The following PPM1L variants were observed in gnomAD, a reference collection of about 807,000 sequenced individuals.
PPM1L encodes protein phosphatase 1L.
Under a neutral mutation model 31.4 loss-of-function variants are expected in PPM1L, and 13 were observed. The ratio of observed to expected loss-of-function variants is 0.41; its 90% CI spans 0.27 to 0.66. The LOEUF (loss-of-function observed/expected upper bound fraction) is 0.66. Ranked by LOEUF, PPM1L falls within the 30% of genes least tolerant of loss-of-function variation. The probability of loss-of-function intolerance (pLI) is 0.29; values close to 1 mark genes in which losing one functional copy is unlikely to be tolerated. For missense variants in PPM1L, 326 were observed against 453.7 expected, an observed-to-expected ratio of 0.72 and a Z score of 2.56; for synonymous variants, 184 against 175.4, an observed-to-expected ratio of 1.05 and a Z score of -0.39.
At chr3:160,840,450 C>T (rs190805209) in intron 1 of PPM1L, among the ~76,000 whole-genome samples, 14 of 152,160 alleles carry the variant, frequency 9.2e-5, no homozygotes, top group South Asian at 2.1e-4. Flanking sequence ...TATAGATATA[C>T]GAGCTGAAAT....
At chr3:161,033,737 C>A (rs979557347) in intron 2 of PPM1L, among the ~76,000 whole-genome samples, 2 of 152,126 alleles carry the variant, frequency 1.3e-5, no homozygotes, top group Non-Finnish European at 2.9e-5. Flanking sequence ...ACCATAAAAA[C>A]CCTAGAAGAA....
chr3:160,926,793 G>A (rs2108075937), intron 1 of PPM1L, among the ~76,000 whole-genome samples: 2 of 152,344 alleles, frequency 1.3e-5, no homozygotes, highest in South Asian at 4.1e-4. Context: ...ACCCAGAATA[G>A]TTAGTTGGTC....
intron 1 of PPM1L, among the ~76,000 whole-genome samples, chr3:160,929,404 A>T (rs962768048): frequency 6.6e-6 from 1 of 152,212 alleles, no homozygotes; most frequent in Non-Finnish European, 1.5e-5. Flanking sequence ...GACCTTTGAC[A>T]GTTAGAAACT....
intron 2 of PPM1L, among the ~76,000 whole-genome samples, chr3:160,973,334 T>C (rs1391405082): frequency 6.6e-6 from 1 of 152,206 alleles, no homozygotes; most frequent in Non-Finnish European, 1.5e-5. Context: ...ATGTGTATAC[T>C]TCAAAGAAAA....
chr3:160,862,689 CACACACACACACACAA>C (rs1200624823), intron 1 of PPM1L, among the ~76,000 whole-genome samples: 8 of 145,682 alleles, frequency 5.5e-5, no homozygotes, highest in African/African-American at 2.2e-4. Flanking sequence ...CACACACACA[CACACACACACACACAA>C]AATTCTGAAA....
At chr3:161,022,657 CTTTTTTTT>C (rs71147399) in intron 2 of PPM1L, among the ~76,000 whole-genome samples, 3 of 93,716 alleles carry the variant, frequency 3.2e-5, no homozygotes, top group African/African-American at 4.7e-5. Flanking sequence ...ATTTCTCCTT[CTTTTTTTT>C]TTTTTTTTTT....
chr3:160,793,600 G>A (rs1560108536), intron 1 of PPM1L, among the ~76,000 whole-genome samples: 2 of 152,302 alleles, frequency 1.3e-5, no homozygotes, highest in East Asian at 1.9e-4. Context: ...TCAGTAAAGT[G>A]TGCGTGTTGA....
At chr3:160,830,338 G>C (rs1467757960) in intron 1 of PPM1L, among the ~76,000 whole-genome samples, 1 of 152,052 alleles carries the variant, frequency 6.6e-6, no homozygotes, top group Non-Finnish European at 1.5e-5. Context: ...TACTACATCA[G>C]AAAGAAAAAG....
chr3:160,900,904 C>T (rs1331942438), intron 1 of PPM1L, among the ~76,000 whole-genome samples: 2 of 152,094 alleles, frequency 1.3e-5, no homozygotes. Flanking sequence ...AGTTCTTTGT[C>T]CTCACCTTTC....
At chr3:160,962,178 A>G (rs935266301) in intron 2 of PPM1L, among the ~76,000 whole-genome samples, 1 of 152,044 alleles carries the variant, frequency 6.6e-6, no homozygotes, top group Non-Finnish European at 1.5e-5. Context: ...CTAAAGTGTT[A>G]TTTCAACTTT....
intron 2 of PPM1L, among the ~76,000 whole-genome samples, chr3:161,048,666 A>G (rs1719161341): frequency 6.6e-6 from 1 of 152,128 alleles, no homozygotes; most frequent in African/African-American, 2.4e-5. Context: ...AATAGCAAAG[A>G]CTTGGAACCA....
chr3:160,756,529 G>C lies in PPM1L; in HGVS notation c.221G>C (p.Gly74Ala), dbSNP rs780547641. 14 of 1,614,004 alleles carry C rather than the reference G, an allele frequency of 8.7e-6. No homozygotes were observed. In the Admixed American group the frequency reaches 2.3e-4, roughly 27 times the overall value. The change falls in exon 1 of 4, where the codon GGG becomes GCG. Residue 74 changes from glycine (G) to alanine (A), a missense_variant. Transcript: ENST00000498165. This position sits in a 1 kb window ranked among gnomAD's most constrained non-coding sequence, Gnocchi z 6.2. ...ATCATGCAGAACGATCGACTCGGGG[G>C]GCTTGATGTGCTCGAGGCCGAGTTT... ...AEIMQNDRLG[G>A]LDVLEAEFSK...
At chr3:160,847,046 A>G (rs1306970838) in intron 1 of PPM1L, among the ~76,000 whole-genome samples, 3 of 152,188 alleles carry the variant, frequency 2.0e-5, no homozygotes, top group Non-Finnish European at 4.4e-5. Flanking sequence ...GGCAAAGCAT[A>G]TAAATCCAGA....
intron 1 of PPM1L, among the ~76,000 whole-genome samples, chr3:160,811,532 T>A (rs140936180): frequency 6.6e-6 from 1 of 152,250 alleles, no homozygotes. Context: ...ATATTCTCTA[T>A]CTGGCTCTTT....
At chr3:160,865,288 A>T (rs1177594644) in intron 1 of PPM1L, among the ~76,000 whole-genome samples, 1 of 152,224 alleles carries the variant, frequency 6.6e-6, no homozygotes, top group Admixed American at 6.5e-5. Flanking sequence ...AAACATGTTC[A>T]TCAAATCCTA....
intron 1 of PPM1L, among the ~76,000 whole-genome samples, chr3:160,876,363 G>T (rs2108033778): frequency 6.6e-6 from 1 of 152,276 alleles, no homozygotes; most frequent in East Asian, 1.9e-4. Flanking sequence ...GTGGAATGAT[G>T]GCAAACTGTG....
chr3:160,905,431 C>T (rs1162109093), intron 1 of PPM1L, among the ~76,000 whole-genome samples: 1 of 152,112 alleles, frequency 6.6e-6, no homozygotes, highest in Non-Finnish European at 1.5e-5. Flanking sequence ...CTTTCAAATG[C>T]CCGTCTAATA....
At position 160,947,925 on chromosome 3, in the gene PPM1L, A is replaced by G. The variant is rs1158746021; in HGVS notation, c.400-13811A>G. Among the ~76,000 whole-genome samples, 3 of 152,162 alleles carry G rather than the reference A, an allele frequency of 2.0e-5. No individual in the cohort carries two copies. In the East Asian group the frequency reaches 5.8e-4, roughly 29 times the overall value. On this transcript the variant is annotated intron_variant, in intron 1 of 3. Coordinates refer to ENST00000498165, the MANE Select transcript of PPM1L (RefSeq NM_139245.4). ...TTGGCCCAAAAGCAGCCATCAATTA[A>G]GAAAGCGTTCAAGCTCAACACCTAA...
chr3:161,021,590 G>A (rs1277221881), intron 2 of PPM1L, among the ~76,000 whole-genome samples: 3 of 151,778 alleles, frequency 2.0e-5, no homozygotes, highest in Admixed American at 2.0e-4. Context: ...TTAATCTTCT[G>A]CCTCGTTCTA....
Sources: gnomAD v4.1 joint callset for allele counts (sites outside exome capture counted in the v4.1 genomes callset) on GRCh38, gnomAD v4.1.1 for gene constraint, Gnocchi (gnomAD v3.1) non-coding constraint, MANE v1.5 for transcripts, NCBI Gene and HGNC (gene_info 2026-07-23, HGNC 2026-07-21) for gene names.